KIAA1671: variants seen among roughly 807,000 people sequenced by gnomAD.
KIAA1671 encodes the protein uncharacterized protein KIAA1671.
KIAA1671 carries 52 observed loss-of-function variants against 131.2 expected under a neutral mutation model. The observed-to-expected ratio is 0.40, with a 90% confidence interval of 0.32 to 0.50. The LOEUF is 0.50. KIAA1671 is among the 20% of genes least tolerant of loss of function. KIAA1671 has a pLI of 0.73. For synonymous variants in KIAA1671, 1,003 were observed against 961.6 expected (o/e 1.04, Z -0.80); for missense variants, 2,360 against 2,364.2 (o/e 1.00, Z 0.04).
intron 9 of KIAA1671, among the ~76,000 whole-genome samples, chr22:25,180,777 T>C (rs1934242037): frequency 6.6e-6 from 1 of 152,216 alleles, no homozygotes; most frequent in African/African-American, 2.4e-5. Context: ...CCCACTCCTA[T>C]CCCATTTCTG....
chr22:24,981,023 A>G (rs770409184), intron 1 of KIAA1671, among the ~76,000 whole-genome samples: 24 of 152,026 alleles, frequency 1.6e-4, no homozygotes, highest in Non-Finnish European at 2.9e-4. Context: ...CTGAGATTAC[A>G]GGCATGAGCC....
chr22:25,020,397 C>T (rs1270279215), intron 1 of KIAA1671, among the ~76,000 whole-genome samples: 10 of 152,280 alleles, frequency 6.6e-5, no homozygotes, highest in Middle Eastern at 6.8e-3. Context: ...TTTACATTGT[C>T]GCTAGGACCA....
chr22:25,025,516 G>A (rs752389854), intron 1 of KIAA1671, 117 bp from the exon 2 acceptor site: 2 of 152,316 alleles, frequency 1.3e-5, no homozygotes, highest in East Asian at 1.9e-4. Flanking sequence ...AGGAGCATAC[G>A]TTTTACAAGC....
chr22:24,997,357 G>A (rs1924192864), intron 1 of KIAA1671, among the ~76,000 whole-genome samples: 1 of 152,150 alleles, frequency 6.6e-6, no homozygotes, highest in African/African-American at 2.4e-5. Flanking sequence ...AAGAGAAGGC[G>A]ACTGGCAGCT....
At chr22:25,073,402 T>C (rs199861678) in intron 6 of KIAA1671, among the ~76,000 whole-genome samples, 1 of 87,776 alleles carries the variant, frequency 1.1e-5, no homozygotes, top group Non-Finnish European at 2.7e-5. Context: ...AATTTTAAAA[T>C]GTTGTATACA....
At chr22:25,074,758 A>C (rs1332076708) in intron 6 of KIAA1671, among the ~76,000 whole-genome samples, 1 of 152,096 alleles carries the variant, frequency 6.6e-6, no homozygotes, top group African/African-American at 2.4e-5. Flanking sequence ...TACATGCCAC[A>C]GTTTCTTTAT....
intron 6 of KIAA1671, among the ~76,000 whole-genome samples, chr22:25,151,035 C>G (rs148334065): frequency 0.054 from 8,274 of 151,846 alleles, 727 homozygotes; most frequent in African/African-American, 0.19. Flanking sequence ...GGGGTTTCAC[C>G]GTGTTAGCCA....
intron 6 of KIAA1671, among the ~76,000 whole-genome samples, chr22:25,105,576 G>C (rs1930957502): frequency 6.6e-6 from 1 of 152,180 alleles, no homozygotes; most frequent in African/African-American, 2.4e-5. Flanking sequence ...TGCTGCCCCA[G>C]TTTTCAGGAA....
At position 25,117,585 on chromosome 22, in the gene KIAA1671, C is replaced by CCACACACACACACA. The variant is rs4049524; in HGVS notation, c.4531-53196_4531-53183dup. Among the ~76,000 whole-genome samples the CCACACACACACACA allele has an allele frequency of 5.7e-3, 711 of 123,878 alleles. 15 individuals carry two copies. The highest frequency in any genetic ancestry group is 0.012 in the African/African-American group (378 of 31,242). 81.3% of individuals were successfully genotyped at this position (123,878 alleles called of 152,430 possible). ...CAGCAGGGCTCAGCATCTCCCCCAA[C>CCACACACACACACA]CACACACACACACACACACACACAC... On this transcript the variant is annotated intron_variant, in intron 6 of 12. Transcript: ENST00000358431.
chr22:25,066,947 A>G (rs555439516), intron 6 of KIAA1671, among the ~76,000 whole-genome samples: 1 of 152,014 alleles, frequency 6.6e-6, no homozygotes, highest in South Asian at 2.1e-4. Flanking sequence ...GCCCCCTGCC[A>G]TGGAGAAGGG....
At chr22:24,979,791 C>T (rs576001420) in intron 1 of KIAA1671, among the ~76,000 whole-genome samples, 13 of 152,256 alleles carry the variant, frequency 8.5e-5, no homozygotes, top group Admixed American at 6.5e-4. Context: ...CATCCCATGC[C>T]GCCTCCCCAC....
At chr22:25,085,237 G>A (rs1040325182) in intron 6 of KIAA1671, among the ~76,000 whole-genome samples, 9 of 152,198 alleles carry the variant, frequency 5.9e-5, no homozygotes, top group African/African-American at 2.2e-4. Context: ...CTCAGCAGCC[G>A]ATTCAAAGCC....
Position 25,049,259 on chromosome 22 carries a change from T to A in KIAA1671, c.4425T>A (p.Asp1475Glu). 1 of 1,552,062 alleles carries A rather than the reference T, an allele frequency of 6.4e-7. No homozygotes were observed. The highest frequency in any genetic ancestry group is 8.7e-7 in the Non-Finnish European group (1 of 1,147,004). ...TGCCACGGGACCTGGAGAAGGAGGA[T>A]GCCCCCCAGGAGAAGGAGCGACCGC... ...KVLPRDLEKE[D>E]APQEKERPLQ... Residue 1475 changes from aspartate to glutamate, a missense_variant, in exon 6 of 13, where the codon GAT (aspartate) becomes GAA (glutamate). Physicochemically the swap from Asp to Glu is conservative, Grantham distance 45. Transcript: ENST00000358431.
intron 1 of KIAA1671, among the ~76,000 whole-genome samples, chr22:24,962,120 T>C (rs573852501): frequency 3.0e-4 from 46 of 152,212 alleles, no homozygotes; most frequent in Non-Finnish European, 6.3e-4. Context: ...ATTTTTGTGC[T>C]GGAGCTGGCT....
intron 6 of KIAA1671, among the ~76,000 whole-genome samples, chr22:25,089,963 C>T (rs1450100422): frequency 1.3e-5 from 2 of 152,074 alleles, no homozygotes; most frequent in African/African-American, 2.4e-5. Context: ...TAAAGAACGG[C>T]GTGTGTAGGT....
In KIAA1671 at chr22:25,150,836, CT is replaced by C. The variant is rs1324671566; in HGVS notation, c.4531-19970del. Among the ~76,000 whole-genome samples the C allele has an allele frequency of 7.7e-3, 967 of 125,820 alleles. 33 individuals carry two copies. Among genetic ancestry groups the C allele is most frequent in the African/African-American group, 0.024 (786 of 32,668 alleles). The allele number at this position is 125,820 out of a possible 152,430, so 82.5% of individuals were successfully genotyped here. On this transcript the variant is annotated intron_variant, in intron 6 of 12. Transcript: ENST00000358431. ...TTATGACTGTGTTCTGGGTCCTTTGCTTTTTTTTTTTTTTGAGATGGAGTCT... is the reference window on the plus strand; with the variant it reads ...TTATGACTGTGTTCTGGGTCCTTTGCTTTTTTTTTTTTTGAGATGGAGTCT...
intron 1 of KIAA1671, among the ~76,000 whole-genome samples, chr22:24,984,029 C>T (rs974533546): frequency 1.3e-5 from 2 of 152,048 alleles, no homozygotes; most frequent in African/African-American, 2.4e-5. Flanking sequence ...CTGCCCGCCT[C>T]GGCCTCCCAA....
At chr22:25,188,932 A>G (rs1453679154) in intron 11 of KIAA1671, among the ~76,000 whole-genome samples, 1 of 152,110 alleles carries the variant, frequency 6.6e-6, no homozygotes, top group Non-Finnish European at 1.5e-5. Flanking sequence ...CTGTATATAC[A>G]TGTACGTATA....
At chr22:25,097,753 T>C (rs1248766214) in intron 6 of KIAA1671, among the ~76,000 whole-genome samples, 2 of 149,806 alleles carry the variant, frequency 1.3e-5, no homozygotes. Context: ...AAAAAAATCG[T>C]AAAATAAACC....
Sources: allele counts gnomAD v4.1 joint callset (sites outside exome capture counted in the v4.1 genomes callset), GRCh38; gene constraint gnomAD v4.1.1; transcripts MANE v1.5; gene names NCBI Gene and HGNC (gene_info 2026-07-23, HGNC 2026-07-21).